SLC7A1: variants seen among roughly 807,000 people sequenced by gnomAD.
The protein encoded by SLC7A1 is high affinity cationic amino acid transporter 1.
A neutral mutation model predicts 53.9 loss-of-function variants in SLC7A1; 10 were observed. That is an observed-to-expected ratio of 0.19 (90% confidence interval 0.11 to 0.31). SLC7A1 has a LOEUF of 0.31. Ranked by LOEUF, SLC7A1 falls within the 10% of genes least tolerant of loss-of-function variation. SLC7A1 has a pLI of 1.00. For synonymous variants in SLC7A1, 342 were observed against 338.7 expected, an observed-to-expected ratio of 1.01 and a Z score of -0.11; for missense variants, 525 against 827.2, an observed-to-expected ratio of 0.63 and a Z score of 4.48.
At position 29,523,325 on chromosome 13, in the gene SLC7A1, C is replaced by G; in HGVS notation, c.990G>C (p.Val330=). 6.2e-7 allele frequency: 1 copy of G among 1,613,830 alleles called. No homozygotes were observed. Among genetic ancestry groups the G allele is most frequent in the Non-Finnish European group, 8.5e-7 (1 of 1,180,010 alleles). ...CTGCGTACTTGGCACCTTCCCAGCC[C>G]ACGTGCTTAAAGGCGTCGGGCAGGG... ...NSPLPDAFKH[V]GWEGAKYAVA... is the part of the protein sequence containing the mutation. The change falls in exon 7 of 13, where the codon GTG becomes GTC. Residue 330 remains valine, a synonymous_variant. Transcript: ENST00000380752.
chr13:29,542,227 G>A (rs1869695674), intron 2 of SLC7A1, among the ~76,000 whole-genome samples: 1 of 152,130 alleles, frequency 6.6e-6, no homozygotes, highest in Admixed American at 6.5e-5. Context: ...GGCCGAGGTG[G>A]GTGGATCACC....
chr13:29,523,813 A>C (rs936512784), intron 6 of SLC7A1, among the ~76,000 whole-genome samples: 3 of 152,208 alleles, frequency 2.0e-5, no homozygotes, highest in Non-Finnish European at 4.4e-5. Flanking sequence ...GTCCGCCAGG[A>C]TGACAATGTT....
At chr13:29,584,263 C>T (rs1871782147) in intron 1 of SLC7A1, among the ~76,000 whole-genome samples, 1 of 152,146 alleles carries the variant, frequency 6.6e-6, no homozygotes, top group African/African-American at 2.4e-5. Context: ...CAGCCCTCTG[C>T]TAGGACTACA....
intron 1 of SLC7A1, among the ~76,000 whole-genome samples, chr13:29,584,119 CTTT>C (rs71192612): frequency 6.8e-6 from 1 of 147,118 alleles, no homozygotes. Flanking sequence ...CTTTTTTTTT[CTTT>C]TTTTTTTTTG....
rs966761651 is a variant in SLC7A1 at position 29,510,354 on chromosome 13, G to T, written c.*4126C>A. 6 of 152,634 alleles carry T rather than the reference G, an allele frequency of 3.9e-5. No homozygotes were observed. The highest frequency in any genetic ancestry group is 1.4e-4 in the African/African-American group (6 of 41,448). The allele number at this position is 152,634 out of a possible 1,614,324, so 9.5% of individuals were successfully genotyped here. A position where few individuals can be genotyped will look rare whatever the true frequency, so the allele number is the denominator to read the frequency against. On this transcript the variant is annotated 3_prime_UTR_variant, in exon 13 of 13. Coordinates refer to ENST00000380752, the MANE Select transcript of SLC7A1 (RefSeq NM_003045.5). ...AAAATACATTAGGAGTCATAAGCGT[G>T]ATGACACATGGAGTGTAGCTTCTTG... is the stretch of plus-strand genomic sequence containing the variant.
chr13:29,552,875 C>A (rs1469772890), intron 2 of SLC7A1, among the ~76,000 whole-genome samples: 4 of 152,188 alleles, frequency 2.6e-5, no homozygotes, highest in Non-Finnish European at 5.9e-5. Context: ...TCCTCTAGCG[C>A]CGCTGGGTTA....
intron 1 of SLC7A1, among the ~76,000 whole-genome samples, chr13:29,590,971 G>A (rs1423456830): frequency 6.6e-6 from 1 of 152,102 alleles, no homozygotes; most frequent in Non-Finnish European, 1.5e-5. Context: ...TTAGCCGGGT[G>A]TGGTGGTACA....
chr13:29,576,340 G>A lies in SLC7A1; in HGVS notation c.-115+19076C>T, dbSNP rs142812236. ...AAACAAAAGAAATTTAAAGCTTCCT[G>A]CAGGTAGGAAGAACCACACAAACTA... On this transcript the variant is annotated intron_variant, in intron 1 of 12. Coordinates refer to ENST00000380752, the MANE Select transcript of SLC7A1 (RefSeq NM_003045.5). 2.0e-3 allele frequency among the ~76,000 whole-genome samples: 282 copies of A among 139,446 alleles called. 1 individual carries two copies. The highest frequency in any genetic ancestry group is 7.3e-3 in the African/African-American group (267 of 36,334). 91.5% of individuals were successfully genotyped at this position (139,446 alleles called of 152,430 possible).
chr13:29,536,963 A>G (rs1409573351), intron 2 of SLC7A1, among the ~76,000 whole-genome samples: 3 of 152,234 alleles, frequency 2.0e-5, no homozygotes, highest in Admixed American at 6.5e-5. Context: ...CTCACATGGG[A>G]CATGCCCCAT....
At chr13:29,539,937 C>G (rs1869591926) in intron 2 of SLC7A1, among the ~76,000 whole-genome samples, 1 of 152,132 alleles carries the variant, frequency 6.6e-6, no homozygotes, top group Non-Finnish European at 1.5e-5. Context: ...GAAAATGAGA[C>G]ACTTACTCTG....
Position 29,517,743 on chromosome 13 carries a change from G to C in SLC7A1, c.1340C>G (p.Ser447Cys). Residue 447 changes from serine to cysteine, a missense_variant, in exon 10 of 13, where the codon TCC becomes TGC. Transcript: ENST00000380752. ...TTGGTCTGCTGGATCTAACTCGTCG[G>C]AAGTACTGGCCATCTGGTATACCAG... is the stretch of plus-strand genomic sequence containing the variant. ...PNLVYQMAST[S>C]DELDPADQNE... 2.5e-6 allele frequency: 4 copies of C among 1,614,220 alleles called. No homozygotes were observed. The highest frequency in any genetic ancestry group is 3.4e-6 in the Non-Finnish European group (4 of 1,180,038).
chr13:29,509,570 T>C lies in SLC7A1; in HGVS notation c.*4910A>G, dbSNP rs902577489. 6.6e-6 allele frequency: 1 copy of C among 152,474 alleles called. No individual in the cohort carries two copies. The highest frequency in any genetic ancestry group is 1.5e-5 in the Non-Finnish European group (1 of 68,004). The allele number at this position is 152,474 out of a possible 1,614,324, so 9.4% of individuals were successfully genotyped here. A position where few individuals can be genotyped will look rare whatever the true frequency, so the allele number is the denominator to read the frequency against. ...GGGCAGTTTCACATTTTTTGAAAGG[T>C]GGTGGACGACAACTACACTTGTCCT... On this transcript the variant is annotated 3_prime_UTR_variant, in exon 13 of 13. Transcript: ENST00000380752.
intron 2 of SLC7A1, among the ~76,000 whole-genome samples, chr13:29,546,544 T>C (rs1381969593): frequency 6.6e-6 from 1 of 152,188 alleles, no homozygotes; most frequent in Non-Finnish European, 1.5e-5. Flanking sequence ...TAATTTTCAC[T>C]GGACATTCAC....
At chr13:29,561,591 G>A (rs1304031979) in intron 1 of SLC7A1, among the ~76,000 whole-genome samples, 1 of 152,184 alleles carries the variant, frequency 6.6e-6, no homozygotes, top group Non-Finnish European at 1.5e-5. Flanking sequence ...AAATTTCCAT[G>A]AGTTTTTTGT....
intron 1 of SLC7A1, among the ~76,000 whole-genome samples, chr13:29,578,311 C>T (rs560796607): frequency 2.6e-5 from 4 of 151,942 alleles, no homozygotes; most frequent in African/African-American, 7.2e-5. Context: ...TTTTGCAAAT[C>T]GAACTCTTTG....
rs372326825 is a variant in SLC7A1 at position 29,532,852 on chromosome 13, G to A, written c.501C>T (p.Phe167=). The part of the protein sequence containing the change: ...PGVLAENPDI[F]AVIIILILTG... ...TCAAGATGAGAATTATGATCACTGC[G>A]AATATGTCGGGGTTTTCAGCCAGCA... The change falls in exon 4 of 13, where the codon TTC becomes TTT. Residue 167 remains phenylalanine, a synonymous_variant. Coordinates refer to ENST00000380752, the MANE Select transcript of SLC7A1 (RefSeq NM_003045.5). 6.2e-6 allele frequency: 10 copies of A among 1,613,742 alleles called. No individual in the cohort carries two copies. The highest frequency in any genetic ancestry group is 1.1e-5 in the South Asian group (1 of 91,008).
At chr13:29,572,146 G>A (rs1485152427) in intron 1 of SLC7A1, among the ~76,000 whole-genome samples, 1 of 152,228 alleles carries the variant, frequency 6.6e-6, no homozygotes, top group African/African-American at 2.4e-5. Context: ...AGGTGGTGAG[G>A]GTGCAGCGGC....
At chr13:29,541,901 G>A (rs768528993) in intron 2 of SLC7A1, among the ~76,000 whole-genome samples, 9 of 152,058 alleles carry the variant, frequency 5.9e-5, no homozygotes, top group Non-Finnish European at 1.0e-4. Flanking sequence ...TACTACAAAA[G>A]TATATATTTT....
At chr13:29,586,419 G>A (rs1254371086) in intron 1 of SLC7A1, among the ~76,000 whole-genome samples, 1 of 152,172 alleles carries the variant, frequency 6.6e-6, no homozygotes, top group Non-Finnish European at 1.5e-5. Context: ...AATTTTTCCA[G>A]TCTTTTCTTT....
Sources: gnomAD v4.1 joint callset for allele counts (sites outside exome capture counted in the v4.1 genomes callset) on GRCh38, gnomAD v4.1.1 for gene constraint, MANE v1.5 for transcripts, NCBI Gene and HGNC (gene_info 2026-07-23, HGNC 2026-07-21) for gene names.